Variants in PRKAR2B observed in about 807,000 individuals in gnomAD.
The protein encoded by PRKAR2B is protein kinase cAMP-dependent type II regulatory subunit beta.
PRKAR2B carries 14 observed loss-of-function variants against 49.9 expected under a neutral mutation model. The observed-to-expected ratio is 0.28, with a 90% CI of 0.19 to 0.44. The LOEUF (loss-of-function observed/expected upper bound fraction) is 0.44, where lower values mean the gene tolerates loss of function less well. Among genes scored for constraint, PRKAR2B ranks in the 20% least tolerant of loss-of-function variants. The probability of loss-of-function intolerance (pLI) is 1.00; values close to 1 mark genes in which losing one functional copy is unlikely to be tolerated. For synonymous variants in PRKAR2B, 196 were observed against 197.7 expected, an observed-to-expected ratio of 0.99 and a Z score of 0.07; for missense variants, 393 against 537.9, an observed-to-expected ratio of 0.73 and a Z score of 2.67.
At chr7:107,114,528 AT>A (rs761914948) in intron 2 of PRKAR2B, among the ~76,000 whole-genome samples, 16,053 of 131,332 alleles carry the variant, frequency 0.12, 843 homozygotes, top group Middle Eastern at 0.18. Flanking sequence ...TGCCCGGTTA[AT>A]TTTTTTTTTT....
intron 1 of PRKAR2B, among the ~76,000 whole-genome samples, chr7:107,048,339 T>G (rs1420889136): frequency 2.0e-5 from 3 of 152,184 alleles, no homozygotes; most frequent in African/African-American, 7.2e-5. Context: ...CCCAGGATGA[T>G]CAGGGAGTTC....
chr7:107,115,397 T>A (rs1795254801), intron 2 of PRKAR2B, among the ~76,000 whole-genome samples: 1 of 152,190 alleles, frequency 6.6e-6, no homozygotes, highest in Non-Finnish European at 1.5e-5. Flanking sequence ...GCCAGAAAGG[T>A]AAAAGATATA....
chr7:107,078,690 A>T (rs1339507074), intron 2 of PRKAR2B, among the ~76,000 whole-genome samples: 5 of 152,190 alleles, frequency 3.3e-5, no homozygotes, highest in African/African-American at 4.8e-5. Context: ...TACTTAAGCA[A>T]CCTTGGGAAT....
At chr7:107,074,672 G>A (rs529986728) in intron 2 of PRKAR2B, among the ~76,000 whole-genome samples, 6 of 152,046 alleles carry the variant, frequency 3.9e-5, no homozygotes, top group African/African-American at 7.2e-5. Flanking sequence ...GGTGGCGGGC[G>A]CCTGTAATCC....
At position 107,158,698 on chromosome 7, in the gene PRKAR2B, G is replaced by T. The variant is rs533959052; in HGVS notation, c.1124-751G>T. On this transcript the variant is annotated intron_variant, in intron 10 of 10. Coordinates refer to ENST00000265717, the MANE Select transcript of PRKAR2B (RefSeq NM_002736.3). ...GTGGGTTTTTAAAAAATTAACTTTT[G>T]ACACATATTGCCAGATTACTTGTAT... 1.4e-3 allele frequency among the ~76,000 whole-genome samples: 218 copies of T among 152,138 alleles called. 1 individual carries two copies. The highest frequency in any genetic ancestry group is 5.1e-3 in the African/African-American group (210 of 41,512).
intron 1 of PRKAR2B, chr7:107,068,616 G>C (rs2536499): frequency 6.6e-6 from 1 of 152,008 alleles, no homozygotes; most frequent in Non-Finnish European, 1.5e-5. Flanking sequence ...AGTAAATATT[G>C]TATGTCTTTC....
intron 2 of PRKAR2B, among the ~76,000 whole-genome samples, chr7:107,072,472 A>AT (rs1192465699): frequency 6.6e-6 from 1 of 152,206 alleles, no homozygotes; most frequent in Non-Finnish European, 1.5e-5. Flanking sequence ...AAATAAAATT[A>AT]TTTAATACTT....
At chr7:107,133,802 A>G (rs1397977518) in intron 4 of PRKAR2B, 1 of 152,200 alleles carries the variant, frequency 6.6e-6, no homozygotes, top group Non-Finnish European at 1.5e-5. Context: ...AAAAATATAA[A>G]TCAGTATACA....
At chr7:107,057,058 G>A (rs1793929094) in intron 1 of PRKAR2B, among the ~76,000 whole-genome samples, 2 of 152,152 alleles carry the variant, frequency 1.3e-5, no homozygotes, top group Admixed American at 1.3e-4. Flanking sequence ...CCCTGAACCT[G>A]CTTTGTCCAT....
At chr7:107,109,059 G>A (rs1795126747) in intron 2 of PRKAR2B, among the ~76,000 whole-genome samples, 1 of 152,152 alleles carries the variant, frequency 6.6e-6, no homozygotes, top group African/African-American at 2.4e-5. Context: ...TGCTAAATAA[G>A]GGGTGAGTTA....
intron 2 of PRKAR2B, among the ~76,000 whole-genome samples, chr7:107,087,496 T>C (rs749506494): frequency 5.3e-5 from 8 of 152,234 alleles, no homozygotes; most frequent in Non-Finnish European, 1.2e-4. Context: ...GCTTTACATG[T>C]ATTAAATCAT....
At chr7:107,090,828 AC>A (rs1794720908) in intron 2 of PRKAR2B, among the ~76,000 whole-genome samples, 1 of 152,234 alleles carries the variant, frequency 6.6e-6, no homozygotes, top group Admixed American at 6.5e-5. Flanking sequence ...ATAATACTTA[AC>A]ATAGAATGAC....
At chr7:107,055,213 T>G (rs1793888364) in intron 1 of PRKAR2B, among the ~76,000 whole-genome samples, 2 of 152,224 alleles carry the variant, frequency 1.3e-5, no homozygotes, top group African/African-American at 4.8e-5. Flanking sequence ...AGTCTATCAT[T>G]GTTGGACATT....
intron 3 of PRKAR2B, among the ~76,000 whole-genome samples, chr7:107,123,391 A>G (rs1451416279): frequency 6.6e-6 from 1 of 152,206 alleles, no homozygotes; most frequent in Non-Finnish European, 1.5e-5. Flanking sequence ...TTGACTGTGT[A>G]AAACCTCACC....
At chr7:107,157,954 A>G (rs1358930605) in intron 10 of PRKAR2B, among the ~76,000 whole-genome samples, 1 of 152,236 alleles carries the variant, frequency 6.6e-6, no homozygotes, top group African/African-American at 2.4e-5. Context: ...TTGATCTCAC[A>G]GTTATTACCC....
chr7:107,047,317 G>C (rs1793716725), intron 1 of PRKAR2B, among the ~76,000 whole-genome samples: 1 of 152,098 alleles, frequency 6.6e-6, no homozygotes, highest in Non-Finnish European at 1.5e-5. Flanking sequence ...ATTGTATTGA[G>C]ACCTCCAGTT....
At chr7:107,141,141 A>G (rs1045557906) in intron 5 of PRKAR2B, among the ~76,000 whole-genome samples, 188 bp downstream of exon 5, 1 of 152,210 alleles carries the variant, frequency 6.6e-6, no homozygotes, top group Admixed American at 6.5e-5. Context: ...ATGAAAAGAG[A>G]CATAGTTTAT....
chr7:107,068,660 GATA>G (rs1365570713), intron 1 of PRKAR2B: 1 of 152,056 alleles, frequency 6.6e-6, no homozygotes, highest in African/African-American at 2.4e-5. Context: ...TGTTATAAAT[GATA>G]ATATCTTGAT....
At chr7:107,106,073 C>CT (rs2116818765) in intron 2 of PRKAR2B, among the ~76,000 whole-genome samples, 2 of 152,298 alleles carry the variant, frequency 1.3e-5, no homozygotes, top group African/African-American at 4.8e-5. Flanking sequence ...ATAGCTCACC[C>CT]TTTCGGGGAA....
Sources: gnomAD v4.1 joint callset for allele counts (sites outside exome capture counted in the v4.1 genomes callset) on GRCh38, gnomAD v4.1.1 for gene constraint, MANE v1.5 for transcripts, NCBI Gene and HGNC (gene_info 2026-07-23, HGNC 2026-07-21) for gene names.